Variants in ANKRD30BL observed in about 807,000 individuals in gnomAD.
The protein encoded by ANKRD30BL is ankyrin repeat domain 30B like, also known as putative ankyrin repeat domain-containing protein 30B-like.
Under a neutral mutation model 18.4 loss-of-function variants are expected in ANKRD30BL, and 20 were observed. The ratio of observed to expected loss-of-function variants is 1.09; its 90% CI spans 0.77 to 1.58. The LOEUF (loss-of-function observed/expected upper bound fraction) is 1.58. ANKRD30BL is among the 40% of genes most tolerant of loss of function. The pLI, the probability that ANKRD30BL is intolerant of heterozygous loss-of-function variation, is 0.00. For missense variants in ANKRD30BL, 224 were observed against 268.6 expected, an observed-to-expected ratio of 0.83 and a Z score of 1.16; for synonymous variants, 72 against 100.9, an observed-to-expected ratio of 0.71 and a Z score of 1.72.
chr2:132,199,282 C>T (rs1679045395), intron 1 of ANKRD30BL, among the ~76,000 whole-genome samples: 1 of 152,028 alleles, frequency 6.6e-6, no homozygotes, highest in Non-Finnish European at 1.5e-5. Context: ...ATCGCTTGAA[C>T]TTGGGAGGCA....
intron 1 of ANKRD30BL, among the ~76,000 whole-genome samples, chr2:132,172,226 G>A (rs984935083): frequency 6.6e-6 from 1 of 152,058 alleles, no homozygotes; most frequent in African/African-American, 2.4e-5. Context: ...CAATTACTTT[G>A]GGCATGTATA....
chr2:132,206,134 G>A (rs1297448116), intron 1 of ANKRD30BL, among the ~76,000 whole-genome samples: 1 of 152,026 alleles, frequency 6.6e-6, no homozygotes, highest in Non-Finnish European at 1.5e-5. Flanking sequence ...CTCCAGCATG[G>A]GTGACAGAGC....
At chr2:132,228,393 G>A (rs1679905387) in intron 1 of ANKRD30BL, among the ~76,000 whole-genome samples, 1 of 151,844 alleles carries the variant, frequency 6.6e-6, no homozygotes, top group African/African-American at 2.4e-5. Context: ...TGGACATTTG[G>A]AGCGCTTTGC....
At chr2:132,227,509 T>C (rs1036395552) in intron 1 of ANKRD30BL, among the ~76,000 whole-genome samples, 1 of 152,012 alleles carries the variant, frequency 6.6e-6, no homozygotes, top group African/African-American at 2.4e-5. Flanking sequence ...AAGTGGATAT[T>C]AGGTACCCCT....
rs373188449 is a variant in ANKRD30BL, at chr2:132,199,841, C to T, written n.442-42695G>A. 1.2e-3 allele frequency among the ~76,000 whole-genome samples: 184 copies of T among 152,080 alleles called. 1 individual carries two copies. Among genetic ancestry groups the T allele is most frequent in the Middle Eastern group, 6.8e-3 (2 of 294 alleles). ...TTGAGCCTTTAAAGAGGGCAATATA[C>T]GGGTAGAGACACAACCAAAAAAGAG... On this transcript the variant is annotated intron_variant and non_coding_transcript_variant, in intron 1 of 4. Transcript: ENST00000470729.
intron 1 of ANKRD30BL, among the ~76,000 whole-genome samples, chr2:132,214,753 T>G (rs1573850466): frequency 1.3e-5 from 2 of 151,782 alleles, no homozygotes; most frequent in Admixed American, 1.3e-4. Context: ...ACCTTTCTTT[T>G]GATTGAATAG....
In ANKRD30BL at chr2:132,179,292, T is replaced by G. The variant is rs28595468; in HGVS notation, n.442-22146A>C. 4.8e-4 allele frequency among the ~76,000 whole-genome samples: 12 copies of G among 25,256 alleles called. No homozygotes were observed. The African/African-American group carries it at 6.0e-3, about 13-fold the overall frequency. The allele number at this position is 25,256 out of a possible 152,430, so 16.6% of individuals were successfully genotyped here. On this transcript the variant is annotated intron_variant and non_coding_transcript_variant, in intron 1 of 4. Transcript: ENST00000470729. ...TATTTACTACTCTATTCTTTTTATC[T>G]TTTTTTTTTTTTTGAGATGGAGTCT...
intron 1 of ANKRD30BL, among the ~76,000 whole-genome samples, chr2:132,185,696 A>C (rs1000662006): frequency 5.3e-5 from 8 of 152,208 alleles, no homozygotes; most frequent in Admixed American, 5.2e-4. Context: ...CATGTAGAAC[A>C]CAACAAAGGA....
At chr2:132,242,205 A>C (rs1680357652) in intron 1 of ANKRD30BL, among the ~76,000 whole-genome samples, 1 of 151,736 alleles carries the variant, frequency 6.6e-6, no homozygotes. Context: ...ACCTTCAGAT[A>C]AAAACCAGAC....
At chr2:132,254,437 C>G (rs796353821) in intron 1 of ANKRD30BL, among the ~76,000 whole-genome samples, 7 of 152,230 alleles carry the variant, frequency 4.6e-5, no homozygotes, top group African/African-American at 9.6e-5. Flanking sequence ...CTCAGCGTTC[C>G]GCCAGGGCAG....
At chr2:132,194,471 A>G (rs1180761934) in intron 1 of ANKRD30BL, among the ~76,000 whole-genome samples, 1 of 152,218 alleles carries the variant, frequency 6.6e-6, no homozygotes, top group Non-Finnish European at 1.5e-5. Flanking sequence ...ATAGAGCTAC[A>G]TGGGGATTGT....
intron 1 of ANKRD30BL, among the ~76,000 whole-genome samples, chr2:132,229,602 C>T (rs539029352): frequency 1.2e-4 from 19 of 152,088 alleles, no homozygotes; most frequent in Admixed American, 5.9e-4. Flanking sequence ...GTGAGGCCTT[C>T]GTTGGAAACG....
intron 1 of ANKRD30BL, among the ~76,000 whole-genome samples, chr2:132,253,533 G>T (rs1680725289): frequency 6.6e-6 from 1 of 152,102 alleles, no homozygotes; most frequent in East Asian, 1.9e-4. Context: ...CACAGAGCGG[G>T]GTACAGGCCA....
intron 1 of ANKRD30BL, among the ~76,000 whole-genome samples, chr2:132,241,670 GA>G (rs1330360665): frequency 2.0e-5 from 3 of 151,392 alleles, no homozygotes; most frequent in African/African-American, 7.3e-5. Flanking sequence ...GGTTTTGTTG[GA>G]AACGGGAATA....
At chr2:132,229,023 G>A (rs1679927952) in intron 1 of ANKRD30BL, among the ~76,000 whole-genome samples, 1 of 151,866 alleles carries the variant, frequency 6.6e-6, no homozygotes, top group Non-Finnish European at 1.5e-5. Flanking sequence ...CCTTTCTTTT[G>A]ATAGAGCAGT....
chr2:132,190,979 G>A (rs1160431696), intron 1 of ANKRD30BL, among the ~76,000 whole-genome samples: 3 of 151,918 alleles, frequency 2.0e-5, no homozygotes, highest in Non-Finnish European at 2.9e-5. Flanking sequence ...ACTTAACTGA[G>A]GTTTACTTTC....
chr2:132,170,877 G>A (rs1475959765), intron 1 of ANKRD30BL, among the ~76,000 whole-genome samples: 1 of 152,052 alleles, frequency 6.6e-6, no homozygotes, highest in African/African-American at 2.4e-5. Flanking sequence ...ACACTTGGAG[G>A]CCGAGCCGGT....
intron 1 of ANKRD30BL, 46 bp from the exon 2 acceptor site, chr2:132,157,469 C>G (rs1687943477): frequency 1.8e-6 from 1 of 545,012 alleles, no homozygotes; most frequent in African/African-American, 1.9e-5. Context: ...TCCACTGTCT[C>G]AAAACATAGA....
intron 1 of ANKRD30BL, among the ~76,000 whole-genome samples, chr2:132,180,392 G>A (rs964777720): frequency 7.2e-5 from 11 of 152,160 alleles, no homozygotes; most frequent in African/African-American, 1.9e-4. Context: ...AGGCTATCCC[G>A]TCTATGTTTG....
Sources: allele counts gnomAD v4.1 joint callset (sites outside exome capture counted in the v4.1 genomes callset), GRCh38; gene constraint gnomAD v4.1.1; transcripts MANE v1.5; gene names NCBI Gene and HGNC (gene_info 2026-07-23, HGNC 2026-07-21).